LRP1B: variants seen among roughly 807,000 people sequenced by gnomAD.
LRP1B encodes the protein low-density lipoprotein receptor-related protein 1B.
LRP1B carries 217 observed loss-of-function variants against 556.6 expected under a neutral mutation model. The observed-to-expected ratio is 0.39, with a 90% confidence interval of 0.35 to 0.44. LRP1B has a LOEUF of 0.44. LRP1B is among the 20% of genes least tolerant of loss of function. LRP1B has a pLI of 1.00. For synonymous variants in LRP1B, 2,047 were observed against 1,865.8 expected (o/e 1.10, Z -2.50); for missense variants, 5,053 against 5,620.8 (o/e 0.90, Z 3.23).
intron 2 of LRP1B, among the ~76,000 whole-genome samples, chr2:141,563,686 G>A (rs184108071): frequency 2.0e-5 from 3 of 151,980 alleles, no homozygotes; most frequent in Non-Finnish European, 2.9e-5. Context: ...AGTAGAAAAC[G>A]TATGGTGTAA....
chr2:140,845,182 A>T (rs1375436916), intron 29 of LRP1B, among the ~76,000 whole-genome samples: 1 of 152,186 alleles, frequency 6.6e-6, no homozygotes, highest in Non-Finnish European at 1.5e-5. Context: ...ATTCCTAAGA[A>T]CAGGTCTCTA....
chr2:140,450,228 T>C (rs1282410744), intron 63 of LRP1B, among the ~76,000 whole-genome samples: 2 of 152,134 alleles, frequency 1.3e-5, no homozygotes, highest in Non-Finnish European at 2.9e-5. Flanking sequence ...CATTTTTACT[T>C]CTAAGTTGGT....
At chr2:140,308,083 T>A (rs549814164) in intron 83 of LRP1B, among the ~76,000 whole-genome samples, 11 of 151,888 alleles carry the variant, frequency 7.2e-5, no homozygotes, top group Admixed American at 2.0e-4. Flanking sequence ...AAGTAATATA[T>A]CAATCACTAT....
At chr2:141,931,855 T>C (rs1025989559) in intron 1 of LRP1B, among the ~76,000 whole-genome samples, 3 of 152,060 alleles carry the variant, frequency 2.0e-5, no homozygotes, top group Non-Finnish European at 2.9e-5. Context: ...GCACAGAGTA[T>C]GTGACAGACA....
rs562786173 is a variant in LRP1B, at chr2:140,735,978, C to T, written c.5759-19162G>A. Among the ~76,000 whole-genome samples, 15 of 152,136 alleles carry T rather than the reference C, an allele frequency of 9.9e-5. No homozygotes were observed. The East Asian group carries it at 2.7e-3, about 27-fold the overall frequency. On this transcript the variant is annotated intron_variant, in intron 35 of 90. Coordinates refer to ENST00000389484, the MANE Select transcript of LRP1B (RefSeq NM_018557.3). ...ACTGGATAAGCAAAAGTTCTTGGGG[C>T]ACATTCTCGGTATATGGGAATTAAC...
chr2:140,330,724 G>T (rs1680763959), intron 79 of LRP1B, among the ~76,000 whole-genome samples: 1 of 152,026 alleles, frequency 6.6e-6, no homozygotes, highest in Non-Finnish European at 1.5e-5. Context: ...TGACAAATAG[G>T]ATCTAGTTTA....
intron 2 of LRP1B, among the ~76,000 whole-genome samples, chr2:141,749,484 T>C (rs1482604460): frequency 6.6e-6 from 1 of 152,190 alleles, no homozygotes; most frequent in Non-Finnish European, 1.5e-5. Context: ...GGTAAATAAC[T>C]ATAGGTCATG....
chr2:141,249,654 G>A (rs1038576511), intron 4 of LRP1B, among the ~76,000 whole-genome samples: 7 of 151,860 alleles, frequency 4.6e-5, no homozygotes, highest in East Asian at 3.9e-4. Context: ...TCCTACAGTC[G>A]CCTGTGAAGG....
chr2:140,986,266 T>C (rs549650813), intron 17 of LRP1B, among the ~76,000 whole-genome samples: 1 of 152,264 alleles, frequency 6.6e-6, no homozygotes, highest in South Asian at 2.1e-4. Flanking sequence ...CTTCTGTTAA[T>C]GGACATTTCA....
At chr2:141,167,595 T>C (rs1275848640) in intron 7 of LRP1B, among the ~76,000 whole-genome samples, 1 of 151,852 alleles carries the variant, frequency 6.6e-6, no homozygotes, top group Non-Finnish European at 1.5e-5. Context: ...TATAATCATA[T>C]AGGTGATATA....
At chr2:140,788,997 A>G (rs911336301) in intron 32 of LRP1B, among the ~76,000 whole-genome samples, 2 of 152,120 alleles carry the variant, frequency 1.3e-5, no homozygotes, top group African/African-American at 4.8e-5. Flanking sequence ...AAACCTACTA[A>G]CACCTTGATT....
intron 7 of LRP1B, among the ~76,000 whole-genome samples, chr2:141,083,300 T>C (rs956088385): frequency 2.0e-5 from 3 of 150,780 alleles, no homozygotes; most frequent in Non-Finnish European, 4.4e-5. Flanking sequence ...GGAGAAGGCA[T>C]AAAAATGTTA....
At chr2:140,830,132 A>AT (rs1283750747) in intron 31 of LRP1B, among the ~76,000 whole-genome samples, 1 of 152,018 alleles carries the variant, frequency 6.6e-6, no homozygotes, top group Non-Finnish European at 1.5e-5. Flanking sequence ...TCCATCAAAA[A>AT]AAACCCCAGG....
intron 84 of LRP1B, among the ~76,000 whole-genome samples, chr2:140,282,357 A>C (rs1682950268): frequency 6.6e-6 from 1 of 151,940 alleles, no homozygotes; most frequent in Admixed American, 6.6e-5. Context: ...ATAGATAAAT[A>C]AACTGATGCA....
chr2:140,509,171 A>C (rs1021573620), intron 52 of LRP1B, among the ~76,000 whole-genome samples: 1 of 151,988 alleles, frequency 6.6e-6, no homozygotes, highest in African/African-American at 2.4e-5. Context: ...GCCATTGGAG[A>C]GATGACTGAC....
intron 2 of LRP1B, among the ~76,000 whole-genome samples, chr2:141,649,985 G>A (rs1689724259): frequency 6.6e-6 from 1 of 152,168 alleles, no homozygotes; most frequent in Non-Finnish European, 1.5e-5. Context: ...TTTGAGACCA[G>A]CCTGGGCAAC....
At chr2:141,030,022 G>A (rs1263351168) in intron 11 of LRP1B, among the ~76,000 whole-genome samples, 1 of 152,000 alleles carries the variant, frequency 6.6e-6, no homozygotes, top group African/African-American at 2.4e-5. Context: ...ATGAGGTTGG[G>A]GTTCTACCTT....
intron 3 of LRP1B, among the ~76,000 whole-genome samples, chr2:141,368,950 A>G (rs1689137845): frequency 6.6e-6 from 1 of 152,172 alleles, no homozygotes; most frequent in African/African-American, 2.4e-5. Context: ...TCTGCTGGAA[A>G]TGAAATTATT....
At chr2:141,968,428 AT>A (rs1230438839) in intron 1 of LRP1B, among the ~76,000 whole-genome samples, 3 of 150,830 alleles carry the variant, frequency 2.0e-5, no homozygotes, top group African/African-American at 4.9e-5. Flanking sequence ...AAATTCCTTC[AT>A]TTTTTTTGCT....
Sources: gnomAD v4.1 joint callset for allele counts (sites outside exome capture counted in the v4.1 genomes callset) on GRCh38, gnomAD v4.1.1 for gene constraint, MANE v1.5 for transcripts, NCBI Gene and HGNC (gene_info 2026-07-23, HGNC 2026-07-21) for gene names.